The following VPS13B variants were observed in gnomAD, a reference collection of about 807,000 sequenced individuals.
VPS13B encodes the protein vacuolar protein sorting 13 homolog B, also known as intermembrane lipid transfer protein VPS13B.
A neutral mutation model predicts 426.4 loss-of-function variants in VPS13B; 285 were observed. That is an observed-to-expected ratio of 0.67 (90% CI 0.61 to 0.74). The LOEUF (loss-of-function observed/expected upper bound fraction) is 0.74, where lower values mean the gene tolerates loss of function less well. Ranked by LOEUF, VPS13B falls within the 30% of genes least tolerant of loss-of-function variation. VPS13B has a pLI of 0.00. For synonymous variants in VPS13B, 1,676 were observed against 1,676.4 expected, an observed-to-expected ratio of 1.00 and a Z score of 0.01; for missense variants, 4,537 against 4,782.6, an observed-to-expected ratio of 0.95 and a Z score of 1.51.
chr8:99,351,429 A>AGTGTGTGTGT (rs751746920), intron 19 of VPS13B, among the ~76,000 whole-genome samples: 2 of 145,396 alleles, frequency 1.4e-5, no homozygotes, highest in African/African-American at 5.6e-5. Context: ...AGAGAGAGAG[A>AGTGTGTGTGT]GAGAGAGTGT....
chr8:99,389,322 C>T (rs1814295891), intron 20 of VPS13B, among the ~76,000 whole-genome samples: 1 of 152,050 alleles, frequency 6.6e-6, no homozygotes, highest in South Asian at 2.1e-4. Context: ...CTTGAATTTA[C>T]ACTGTATAGC....
intron 44 of VPS13B, among the ~76,000 whole-genome samples, chr8:99,816,912 A>G (rs948766672): frequency 6.6e-6 from 1 of 152,204 alleles, no homozygotes; most frequent in Non-Finnish European, 1.5e-5. Context: ...TAAGAGTGAA[A>G]TAAACCCTTG....
At chr8:99,481,511 A>C in intron 24 of VPS13B, 88 bp from the exon 25 acceptor site, 1 of 1,355,740 alleles carries the variant, frequency 7.4e-7, no homozygotes, top group Non-Finnish European at 1.0e-6. Flanking sequence ...TTTCTCTGGA[A>C]TAGTTAATTT....
chr8:99,298,223 T>C, intron 19 of VPS13B, among the ~76,000 whole-genome samples: 1 of 152,256 alleles, frequency 6.6e-6, no homozygotes. Context: ...GTGCGGTGGC[T>C]TGCGCCTGTA....
At chr8:99,497,582 T>C (rs1448173435) in intron 25 of VPS13B, among the ~76,000 whole-genome samples, 1 of 151,900 alleles carries the variant, frequency 6.6e-6, no homozygotes, top group African/African-American at 2.4e-5. Context: ...TGGTTCCTTT[T>C]TTAATGTCCA....
intron 27 of VPS13B, among the ~76,000 whole-genome samples, chr8:99,504,467 GA>G (rs1335661851): frequency 1.3e-5 from 2 of 152,218 alleles, no homozygotes; most frequent in Admixed American, 1.3e-4. Context: ...TCCATGAGCT[GA>G]AGAGTGGATG....
intron 2 of VPS13B, among the ~76,000 whole-genome samples, chr8:99,019,266 G>T (rs1287128878): frequency 6.7e-6 from 1 of 150,136 alleles, no homozygotes; most frequent in African/African-American, 2.5e-5. Context: ...GAGTGCAGTG[G>T]TGCGATCTTG....
intron 5 of VPS13B, among the ~76,000 whole-genome samples, chr8:99,104,372 G>GTA (rs1338518092): frequency 6.6e-6 from 1 of 152,170 alleles, no homozygotes. Context: ...GCCATGGGTT[G>GTA]TAGCAATAAA....
chr8:99,813,173 T>C (rs1327718793), intron 44 of VPS13B, among the ~76,000 whole-genome samples: 1 of 152,224 alleles, frequency 6.6e-6, no homozygotes, highest in East Asian at 1.9e-4. Context: ...GGATTTTCTT[T>C]CATCTAAAGT....
At chr8:99,520,710 G>A (rs1325215821) in intron 29 of VPS13B, among the ~76,000 whole-genome samples, 189 bp from the exon 30 acceptor site, 4 of 151,116 alleles carry the variant, frequency 2.6e-5, no homozygotes, top group African/African-American at 7.3e-5. Flanking sequence ...CCACTTAATG[G>A]GTATTAACAG....
chr8:99,336,311 A>G (rs1403023927), intron 19 of VPS13B, among the ~76,000 whole-genome samples: 1 of 152,232 alleles, frequency 6.6e-6, no homozygotes, highest in Non-Finnish European at 1.5e-5. Context: ...GGCTAGCCAT[A>G]TGTAGGAAGC....
chr8:99,362,613 C>T (rs1812633275), intron 19 of VPS13B, among the ~76,000 whole-genome samples: 1 of 152,140 alleles, frequency 6.6e-6, no homozygotes, highest in African/African-American at 2.4e-5. Context: ...TAAAGAGGAA[C>T]ATTTAAAATA....
At chr8:99,271,899 T>C (rs965221373) in intron 17 of VPS13B, among the ~76,000 whole-genome samples, 8 of 152,084 alleles carry the variant, frequency 5.3e-5, no homozygotes, top group African/African-American at 1.9e-4. Context: ...CAACATGGGG[T>C]TTGGGTGGGG....
At chr8:99,532,245 T>A (rs1822972315) in intron 30 of VPS13B, among the ~76,000 whole-genome samples, 1 of 152,194 alleles carries the variant, frequency 6.6e-6, no homozygotes, top group Non-Finnish European at 1.5e-5. Context: ...CGTTTTACAT[T>A]TTTTTGCAGA....
chr8:99,176,740 T>A (rs1336601697), intron 16 of VPS13B, among the ~76,000 whole-genome samples: 4 of 152,208 alleles, frequency 2.6e-5, no homozygotes, highest in Non-Finnish European at 5.9e-5. Context: ...ATGCAGCTTT[T>A]ATGTGGGTGC....
At chr8:99,298,040 G>T (rs1820138648) in intron 19 of VPS13B, among the ~76,000 whole-genome samples, 1 of 152,056 alleles carries the variant, frequency 6.6e-6, no homozygotes, top group South Asian at 2.1e-4. Context: ...TTTATTAAAG[G>T]CATGTTTTGG....
At chr8:99,440,858 A>C (rs1054719503) in intron 22 of VPS13B, among the ~76,000 whole-genome samples, 22 of 152,088 alleles carry the variant, frequency 1.4e-4, no homozygotes, top group Non-Finnish European at 4.4e-5. Context: ...AGGTAGTATC[A>C]ATACCTACAT....
intron 33 of VPS13B, among the ~76,000 whole-genome samples, chr8:99,605,391 A>C (rs1452537845): frequency 1.3e-5 from 2 of 152,086 alleles, no homozygotes; most frequent in Admixed American, 1.3e-4. Context: ...TAATTTTGTG[A>C]AATTTGAGCC....
In VPS13B at chr8:99,231,447, A is replaced by C. The variant is rs186757260; in HGVS notation, c.2515+38390A>C. 3.6e-3 allele frequency among the ~76,000 whole-genome samples: 542 copies of C among 152,298 alleles called. 3 individuals are homozygous for C. The highest frequency in any genetic ancestry group is 5.4e-3 in the Non-Finnish European group (366 of 68,024). ...AAGAAGCCCTAATGGCACATACCCT[A>C]TTAAAATTCACGGCATCTCCAATAT... On this transcript the variant is annotated intron_variant, in intron 17 of 61. Coordinates refer to ENST00000357162, the MANE Select transcript of VPS13B (RefSeq NM_152564.5).
Sources: allele counts gnomAD v4.1 joint callset (sites outside exome capture counted in the v4.1 genomes callset), GRCh38; gene constraint gnomAD v4.1.1; transcripts MANE v1.5; gene names NCBI Gene and HGNC (gene_info 2026-07-23, HGNC 2026-07-21).